SAXO1: variants seen among roughly 807,000 people sequenced by gnomAD.
SAXO1 encodes the protein stabilizer of axonemal microtubules 1.
In SAXO1, 21 loss-of-function variants were observed where a neutral mutation model predicts 17.5. That is an observed-to-expected ratio of 1.20 (90% CI 0.85 to 1.72). The LOEUF (loss-of-function observed/expected upper bound fraction) is 1.72. Among genes scored for constraint, SAXO1 ranks in the 40% most tolerant of loss-of-function variants. The pLI, the probability that SAXO1 is intolerant of heterozygous loss-of-function variation, is 0.00. For synonymous variants in SAXO1, 274 were observed against 216.5 expected, an observed-to-expected ratio of 1.27 and a Z score of -2.33; for missense variants, 843 against 596.0, an observed-to-expected ratio of 1.41 and a Z score of -4.32.
At chr9:18,946,633 C>A (rs1325224381) in intron 2 of SAXO1, among the ~76,000 whole-genome samples, 2 of 147,940 alleles carry the variant, frequency 1.4e-5, no homozygotes, top group Admixed American at 6.6e-5. Context: ...AAAATCTGAC[C>A]CATGCTCAAA....
chr9:18,943,022 C>A (rs1831638141), intron 2 of SAXO1, among the ~76,000 whole-genome samples: 1 of 152,204 alleles, frequency 6.6e-6, no homozygotes. Context: ...CACTTCCTGG[C>A]CAAAATCTGG....
intron 1 of SAXO1, among the ~76,000 whole-genome samples, chr9:19,009,831 C>CTTTTT (rs34704836): frequency 0.042 from 6,179 of 146,080 alleles, 160 homozygotes; most frequent in South Asian, 0.069. Context: ...TTGGGGTTTT[C>CTTTTT]TTTTTTTTTT....
At chr9:18,959,009 C>T (rs934604731) in intron 1 of SAXO1, among the ~76,000 whole-genome samples, 2 of 152,182 alleles carry the variant, frequency 1.3e-5, no homozygotes, top group Non-Finnish European at 2.9e-5. Context: ...ATATGTTTAA[C>T]AGTTTGATGC....
At chr9:18,972,086 G>T (rs1002771725) in intron 1 of SAXO1, among the ~76,000 whole-genome samples, 1 of 152,212 alleles carries the variant, frequency 6.6e-6, no homozygotes, top group Non-Finnish European at 1.5e-5. Context: ...GCTTCTGGAA[G>T]AATGCAGAGG....
Position 19,046,546 on chromosome 9 carries a change from T to C in SAXO1, c.-158+2663A>G, listed in dbSNP as rs145417711. Among the ~76,000 whole-genome samples, 355 of 151,720 alleles carry C rather than the reference T, an allele frequency of 2.3e-3. 2 individuals carry two copies. The highest frequency in any genetic ancestry group is 8.2e-3 in the African/African-American group (339 of 41,346). On this transcript the variant is annotated intron_variant, in intron 1 of 3. Coordinates refer to the SAXO1 transcript ENST00000542071. The stretch of plus-strand genomic sequence containing the variant: ...GGAGAAACCCCATCTCTACTAAAAA[T>C]ACAAAATTAGCCAGACAAGGTGGCA...
chr9:18,970,497 T>C (rs1832908264), intron 1 of SAXO1, among the ~76,000 whole-genome samples: 2 of 152,154 alleles, frequency 1.3e-5, no homozygotes, highest in African/African-American at 2.4e-5. Context: ...TAGCTTCAAG[T>C]TCAGGCAAAG....
intron 1 of SAXO1, among the ~76,000 whole-genome samples, chr9:19,002,352 T>C (rs200862044): frequency 5.3e-5 from 8 of 152,098 alleles, no homozygotes; most frequent in Non-Finnish European, 1.2e-4. Flanking sequence ...TGAAACTATT[T>C]CAAACAACAG....
At chr9:18,940,762 T>C (rs1831517737) in intron 3 of SAXO1, among the ~76,000 whole-genome samples, 1 of 152,156 alleles carries the variant, frequency 6.6e-6, no homozygotes, top group Admixed American at 6.5e-5. Context: ...AAAACACATA[T>C]GACCACGTAT....
chr9:19,028,462 T>A (rs1328439067), intron 1 of SAXO1, among the ~76,000 whole-genome samples: 1 of 152,218 alleles, frequency 6.6e-6, no homozygotes, highest in African/African-American at 2.4e-5. Flanking sequence ...TTGGAAACAT[T>A]ATACTCTCAT....
chr9:18,990,274 A>AT (rs1441301567), intron 1 of SAXO1, among the ~76,000 whole-genome samples: 4 of 152,204 alleles, frequency 2.6e-5, no homozygotes, highest in Non-Finnish European at 4.4e-5. Context: ...TTCAAAGGGT[A>AT]TAACAAACGC....
At chr9:18,945,249 C>A (rs950575554) in intron 2 of SAXO1, among the ~76,000 whole-genome samples, 1 of 152,164 alleles carries the variant, frequency 6.6e-6, no homozygotes, top group Non-Finnish European at 1.5e-5. Flanking sequence ...CCTGGATACT[C>A]CAAGCATCAC....
At position 18,929,175 on chromosome 9, in the gene SAXO1, G is replaced by T. The variant is rs1446941299; in HGVS notation, c.422-120C>A. 4 of 1,119,710 alleles carry T rather than the reference G, an allele frequency of 3.6e-6. No individual in the cohort carries two copies. In the East Asian group the frequency reaches 1.0e-4, roughly 29 times the overall value. The allele number at this position is 1,119,710 out of a possible 1,614,324, so 69.4% of individuals were successfully genotyped here. ...TGAAGTGTTCTTTGAGACAAAGAAAGAACAGAGCACATCCCTGCTACCACT... is the reference window on the plus strand; with the variant it reads ...TGAAGTGTTCTTTGAGACAAAGAAATAACAGAGCACATCCCTGCTACCACT... On this transcript the variant is annotated intron_variant, in intron 3 of 3. Coordinates refer to ENST00000380534, the MANE Select transcript of SAXO1 (RefSeq NM_153707.4).
At chr9:18,934,978 G>A (rs995161567) in intron 3 of SAXO1, among the ~76,000 whole-genome samples, 1 of 152,120 alleles carries the variant, frequency 6.6e-6, no homozygotes, top group Admixed American at 6.5e-5. Context: ...CCAGACTGGA[G>A]TGCAGTGGCA....
chr9:18,965,089 G>C (rs1832659067), intron 1 of SAXO1, among the ~76,000 whole-genome samples: 1 of 152,180 alleles, frequency 6.6e-6, no homozygotes, highest in South Asian at 2.1e-4. Context: ...TTAATCCCGA[G>C]TTCTAATTTG....
At chr9:18,949,998 T>TC (rs1294417472) in intron 2 of SAXO1, among the ~76,000 whole-genome samples, 1 of 152,056 alleles carries the variant, frequency 6.6e-6, no homozygotes, top group Non-Finnish European at 1.5e-5. Flanking sequence ...CCAACTGCAC[T>TC]CAAAGATGTT....
intron 1 of SAXO1, among the ~76,000 whole-genome samples, chr9:19,012,525 G>A (rs911276838): frequency 6.6e-6 from 1 of 152,202 alleles, no homozygotes; most frequent in Non-Finnish European, 1.5e-5. Context: ...AACCATATGG[G>A]GGACGGTGGG....
In SAXO1 at chr9:19,006,136, C is replaced by G. The variant is rs192006372; in HGVS notation, c.38+26735G>C. ...AAAAGAAAGAGAAATGTTGGCAAGGCTGTAGAAAAATTAGAATCCTAGTGC... is the reference window on the plus strand; with the variant it reads ...AAAAGAAAGAGAAATGTTGGCAAGGGTGTAGAAAAATTAGAATCCTAGTGC... On this transcript the variant is annotated intron_variant, in intron 1 of 3. Coordinates refer to ENST00000380534, the MANE Select transcript of SAXO1 (RefSeq NM_153707.4). Among the ~76,000 whole-genome samples, 5 of 152,294 alleles carry G rather than the reference C, an allele frequency of 3.3e-5. No homozygotes were observed. In the East Asian group the frequency reaches 9.6e-4, roughly 29 times the overall value.
chr9:19,026,829 G>T, intron 1 of SAXO1: 2 of 559,318 alleles, frequency 3.6e-6, no homozygotes, highest in Middle Eastern at 5.3e-4. Context: ...AGGAGTTCAA[G>T]ACCAGCCTGG....
At chr9:19,041,303 A>T (rs1836074330) in intron 1 of SAXO1, among the ~76,000 whole-genome samples, 1 of 152,182 alleles carries the variant, frequency 6.6e-6, no homozygotes, top group Admixed American at 6.5e-5. Flanking sequence ...AGAGGACACA[A>T]AAAAGTGGAA....
Sources: gnomAD v4.1 joint callset for allele counts (sites outside exome capture counted in the v4.1 genomes callset) on GRCh38, gnomAD v4.1.1 for gene constraint, MANE v1.5 for transcripts, NCBI Gene and HGNC (gene_info 2026-07-23, HGNC 2026-07-21) for gene names.